The following PCNT variants were observed in gnomAD, a reference collection of about 807,000 sequenced individuals.
The protein encoded by PCNT is kendrin.
In PCNT, 319 loss-of-function variants were observed where a neutral mutation model predicts 380.4. The observed-to-expected ratio is 0.84, with a 90% CI of 0.77 to 0.92. PCNT has a LOEUF of 0.92. Ranked by LOEUF, PCNT falls within the 40% of genes least tolerant of loss-of-function variation. The pLI, the probability that PCNT is intolerant of heterozygous loss-of-function variation, is 0.00. For synonymous variants in PCNT, 1,845 were observed against 1,735.2 expected, an observed-to-expected ratio of 1.06 and a Z score of -1.57; for missense variants, 4,400 against 4,255.3, an observed-to-expected ratio of 1.03 and a Z score of -0.95.
chr21:46,385,197 A>G (rs560650566), intron 16 of PCNT, among the ~76,000 whole-genome samples: 1 of 152,284 alleles, frequency 6.6e-6, no homozygotes, highest in African/African-American at 2.4e-5. Flanking sequence ...TCTATAAAAA[A>G]TTAAAAAAAT....
chr21:46,387,084 G>A (rs2085864739), intron 17 of PCNT, among the ~76,000 whole-genome samples: 1 of 152,222 alleles, frequency 6.6e-6, no homozygotes, highest in African/African-American at 2.4e-5. Context: ...GCTGTGTCCT[G>A]AAGCTCTGAA....
intron 15 of PCNT, 140 bp downstream of exon 15, chr21:46,367,279 G>A (rs2084962317): frequency 1.8e-5 from 12 of 683,162 alleles, no homozygotes; most frequent in Non-Finnish European, 3.0e-5. Context: ...GCCGAGATCA[G>A]TGGGGACTTC....
intron 2 of PCNT, among the ~76,000 whole-genome samples, chr21:46,331,149 C>T (rs1601748425): frequency 6.6e-6 from 1 of 152,232 alleles, no homozygotes; most frequent in East Asian, 1.9e-4. Context: ...CTGATGATTT[C>T]TAGCATAAGT....
chr21:46,324,954 C>G (rs1032368156), intron 1 of PCNT: 6 of 981,060 alleles, frequency 6.1e-6, no homozygotes, highest in Middle Eastern at 5.2e-4. Flanking sequence ...TTCCCGCGCC[C>G]TTGGGCTCGC....
intron 29 of PCNT, among the ~76,000 whole-genome samples, chr21:46,414,852 A>C (rs1176489944): frequency 8.1e-6 from 1 of 122,730 alleles, no homozygotes; most frequent in African/African-American, 3.7e-5. Flanking sequence ...ACACACAGAC[A>C]CCTACCCTCC....
chr21:46,378,403 C>T (rs780727964), intron 15 of PCNT, among the ~76,000 whole-genome samples: 17 of 152,266 alleles, frequency 1.1e-4, no homozygotes, highest in Non-Finnish European at 2.1e-4. Context: ...GCCTCTCTTG[C>T]GCTTTGGGGC....
In PCNT at chr21:46,385,979, G is replaced by A. The variant is rs387906928; in HGVS notation, c.3460G>A (p.Glu1154Lys). Residue 1154 changes from glutamate (E) to lysine (K), a missense_variant, in exon 17 of 47, where the codon GAA becomes AAA. Transcript: ENST00000359568. Reference protein sequence around the residue: ...LKADVNLSHSERGALQDALRR... With the variant: ...LKADVNLSHSKRGALQDALRR... ...GGCCGACGTCAACCTGTCCCACAGCGAAAGGTCAGTGTGTCCTCGGCACCG... is the reference window on the plus strand; with the variant it reads ...GGCCGACGTCAACCTGTCCCACAGCAAAAGGTCAGTGTGTCCTCGGCACCG... 48 of 1,613,946 alleles carry A rather than the reference G, an allele frequency of 3.0e-5. 1 individual carries two copies. The South Asian group carries it at 3.3e-4, about 11-fold the overall frequency.
chr21:46,392,812 G>A (rs1029038394), intron 21 of PCNT, among the ~76,000 whole-genome samples: 2 of 152,110 alleles, frequency 1.3e-5, no homozygotes, highest in Non-Finnish European at 2.9e-5. Context: ...CGTTTATCCC[G>A]TTCTATTTTT....
intron 15 of PCNT, among the ~76,000 whole-genome samples, chr21:46,380,089 C>T (rs956822019): frequency 6.7e-6 from 1 of 148,220 alleles, no homozygotes; most frequent in African/African-American, 2.5e-5. Context: ...CTACTGTGGG[C>T]AGTGCGGCTA....
chr21:46,336,843 C>T (rs1011176115), intron 3 of PCNT, among the ~76,000 whole-genome samples: 1 of 151,698 alleles, frequency 6.6e-6, no homozygotes, highest in Non-Finnish European at 1.5e-5. Context: ...CATACTGATA[C>T]CTCAGAGCCT....
At chr21:46,325,003 C>G (rs1183309406) in intron 1 of PCNT, 44 of 984,704 alleles carry the variant, frequency 4.5e-5, no homozygotes, top group Non-Finnish European at 5.2e-5. Flanking sequence ...TGCCGGGAAC[C>G]CACGCGGCGC....
rs141575204 is a variant in PCNT at position 46,346,798 on chromosome 21, C to T, written c.776C>T (p.Thr259Met). The change falls in exon 5 of 47, where the codon ACG becomes ATG. Residue 259 changes from threonine to methionine, a missense_variant. Thr to Met is a moderately conservative substitution (Grantham distance 81). Transcript: ENST00000359568. ...ALRLSLSNMH[T>M]AQLELTQANL... The stretch of plus-strand genomic sequence containing the variant: ...CGCCTGAGTCTGAGCAACATGCACA[C>T]GGCGCAGCTGGAGCTGACACAGGCC... The T allele has an allele frequency of 5.3e-5, 85 of 1,600,172 alleles. No homozygotes were observed. Among genetic ancestry groups the T allele is most frequent in the African/African-American group, 4.7e-4 (35 of 74,924 alleles).
intron 2 of PCNT, among the ~76,000 whole-genome samples, chr21:46,332,139 G>A (rs757573168): frequency 2.6e-5 from 4 of 152,182 alleles, no homozygotes; most frequent in African/African-American, 4.8e-5. Flanking sequence ...CAGCCTGGAG[G>A]ACAAGAGCGA....
intron 15 of PCNT, among the ~76,000 whole-genome samples, chr21:46,377,467 G>T (rs1444174177): frequency 1.3e-5 from 2 of 152,270 alleles, no homozygotes; most frequent in South Asian, 2.1e-4. Context: ...GGCAACTTTT[G>T]TCAGGCCTTT....
intron 19 of PCNT, 127 bp from the exon 20 acceptor site, chr21:46,390,543 T>A: frequency 1.0e-6 from 1 of 976,074 alleles, no homozygotes; most frequent in Non-Finnish European, 1.7e-6. Context: ...CCCGTCACCC[T>A]GGCCTGGCCC....
At chr21:46,377,074 A>G (rs1179787301) in intron 15 of PCNT, among the ~76,000 whole-genome samples, 1 of 117,164 alleles carries the variant, frequency 8.5e-6, no homozygotes, top group Admixed American at 8.3e-5. Context: ...TTTCCTCCCC[A>G]TGGCTTATCA....
intron 32 of PCNT, among the ~76,000 whole-genome samples, chr21:46,424,721 C>G (rs189832883): frequency 6.8e-6 from 1 of 146,548 alleles, no homozygotes; most frequent in Non-Finnish European, 1.5e-5. Flanking sequence ...TGCGCCCCCC[C>G]CAACCCTGCT....
chr21:46,397,293 C>T lies in PCNT; in HGVS notation c.4245C>T (p.Thr1415=). ...TCCGGAAGGAAGTGGAGGATCTGAC[C>T]AAAGAACAGTCGGAGACCAGGAAGC... ...AALRKEVEDL[T]KEQSETRKQA... The change falls in exon 22 of 47, where the codon ACC becomes ACT. Residue 1415 remains threonine, a synonymous_variant. Coordinates refer to ENST00000359568, the MANE Select transcript of PCNT (RefSeq NM_006031.6). 1.2e-6 allele frequency: 2 copies of T among 1,614,020 alleles called. No individual in the cohort carries two copies. Among genetic ancestry groups the T allele is most frequent in the Non-Finnish European group, 1.7e-6 (2 of 1,180,002 alleles).
chr21:46,371,794 CAT>C (rs943192347), intron 15 of PCNT, among the ~76,000 whole-genome samples: 3 of 152,186 alleles, frequency 2.0e-5, no homozygotes, highest in South Asian at 2.1e-4. Context: ...ACACACAGCA[CAT>C]GTGCACACAC....
Sources: allele counts gnomAD v4.1 joint callset (sites outside exome capture counted in the v4.1 genomes callset), GRCh38; gene constraint gnomAD v4.1.1; transcripts MANE v1.5; gene names NCBI Gene and HGNC (gene_info 2026-07-23, HGNC 2026-07-21).